Variants in TRPM3 observed in about 807,000 individuals in gnomAD.
The protein encoded by TRPM3 is long transient receptor potential channel 3.
Under a neutral mutation model 181.2 loss-of-function variants are expected in TRPM3, and 77 were observed. The ratio of observed to expected loss-of-function variants is 0.42; its 90% CI spans 0.35 to 0.51. TRPM3 has a LOEUF of 0.51. Among genes scored for constraint, TRPM3 ranks in the 20% least tolerant of loss-of-function variants. The pLI is 0.01. For synonymous variants in TRPM3, 745 were observed against 796.4 expected (o/e 0.94, Z 1.09); for missense variants, 1,759 against 2,196.7 (o/e 0.80, Z 3.98).
intron 6 of TRPM3, among the ~76,000 whole-genome samples, chr9:70,802,464 G>A (rs1271865653): frequency 6.6e-6 from 1 of 152,190 alleles, no homozygotes; most frequent in African/African-American, 2.4e-5. Context: ...ATGATGGCAC[G>A]CTGGATTTGG....
intron 1 of TRPM3, among the ~76,000 whole-genome samples, chr9:71,370,759 C>G (rs2092483150): frequency 6.6e-6 from 1 of 152,134 alleles, no homozygotes; most frequent in African/African-American, 2.4e-5. Context: ...AACATATTCC[C>G]AATGAAGACA....
chr9:70,957,164 A>G (rs917724964), intron 1 of TRPM3, among the ~76,000 whole-genome samples: 2 of 151,874 alleles, frequency 1.3e-5, no homozygotes, highest in Non-Finnish European at 1.5e-5. Context: ...GGGTTTCACC[A>G]TGTTGGTCAG....
Position 70,924,790 on chromosome 9 carries a change from C to A in TRPM3, c.178-60279G>T, listed in dbSNP as rs955175795. Among the ~76,000 whole-genome samples the A allele has an allele frequency of 4.6e-5, 7 of 152,244 alleles. No individual in the cohort carries two copies. In the Middle Eastern group the frequency reaches 0.01, roughly 222 times the overall value. ...AATGTTAAGTACTTTAATAACCATT[C>A]TCTAGCTGACTAATACAAGGTAGAA... On this transcript the variant is annotated intron_variant, in intron 1 of 25. Coordinates refer to ENST00000677713, the MANE Select transcript of TRPM3 (RefSeq NM_001366145.2).
chr9:71,158,687 G>C (rs1037446849), intron 1 of TRPM3, among the ~76,000 whole-genome samples: 2 of 152,102 alleles, frequency 1.3e-5, no homozygotes, highest in South Asian at 2.1e-4. Context: ...GTGTCAACTT[G>C]ACTAAGCCAT....
chr9:70,615,438 A>G (rs2062643092), intron 18 of TRPM3, among the ~76,000 whole-genome samples: 1 of 152,238 alleles, frequency 6.6e-6, no homozygotes, highest in Non-Finnish European at 1.5e-5. Flanking sequence ...AAAGCTTTGC[A>G]TACAAACCTC....
chr9:70,973,406 T>C (rs2097265780), intron 1 of TRPM3, among the ~76,000 whole-genome samples: 1 of 152,216 alleles, frequency 6.6e-6, no homozygotes. Flanking sequence ...TTGGTTTGTA[T>C]ATGAGATTTC....
In TRPM3 at chr9:70,536,173, G is replaced by T. The variant is rs750415724; in HGVS notation, c.4940C>A (p.Ala1647Asp). 6.2e-7 allele frequency: 1 copy of T among 1,614,206 alleles called. No homozygotes were observed. The highest frequency in any genetic ancestry group is 2.2e-5 in the East Asian group (1 of 44,876). ...NNITVPKIER[A>D]NSYSAEEPSA... ...TGGCTCCTCTGCCGAGTAGCTGTTG[G>T]CGCGCTCTATCTTGGGAACAGTGAT... Residue 1647 changes from alanine to aspartate, a missense_variant, in exon 26 of 26, where the codon GCC becomes GAC. Transcript: ENST00000677713.
chr9:70,750,125 G>T (rs1044258174), intron 8 of TRPM3, among the ~76,000 whole-genome samples: 10 of 152,192 alleles, frequency 6.6e-5, no homozygotes, highest in Non-Finnish European at 1.5e-4. Context: ...TGTACTGTAA[G>T]ATTGTACTAT....
intron 7 of TRPM3, among the ~76,000 whole-genome samples, chr9:70,779,588 A>G (rs1023291872): frequency 6.6e-6 from 1 of 152,160 alleles, no homozygotes; most frequent in Non-Finnish European, 1.5e-5. Context: ...TCTGATTTCA[A>G]TGTCAGGAGT....
chr9:70,592,519 T>A (rs2058291856), intron 21 of TRPM3, among the ~76,000 whole-genome samples: 1 of 152,164 alleles, frequency 6.6e-6, no homozygotes, highest in South Asian at 2.1e-4. Context: ...TAAGGCCAGT[T>A]TCATTATGCC....
intron 1 of TRPM3, among the ~76,000 whole-genome samples, chr9:71,214,801 T>A (rs904874764): frequency 2.0e-5 from 3 of 152,044 alleles, no homozygotes; most frequent in Non-Finnish European, 2.9e-5. Context: ...TCTACTTCTG[T>A]CAATTTCTCT....
intron 1 of TRPM3, among the ~76,000 whole-genome samples, chr9:70,890,629 T>A (rs1204321571): frequency 6.6e-6 from 1 of 152,084 alleles, no homozygotes; most frequent in Non-Finnish European, 1.5e-5. Flanking sequence ...AAATCTAGAA[T>A]GCAATGGGGA....
intron 17 of TRPM3, among the ~76,000 whole-genome samples, chr9:70,616,637 T>C (rs2062826179): frequency 6.7e-6 from 1 of 150,280 alleles, no homozygotes. Flanking sequence ...AAGCATTTAA[T>C]TCATTTTAGG....
intron 1 of TRPM3, among the ~76,000 whole-genome samples, chr9:71,076,908 C>A (rs1355379111): frequency 6.6e-6 from 1 of 152,158 alleles, no homozygotes; most frequent in African/African-American, 2.4e-5. Context: ...GTTTACCATC[C>A]TTTCTCTAAT....
At chr9:71,421,254 G>T (rs965366455) in intron 1 of TRPM3, among the ~76,000 whole-genome samples, 3 of 151,602 alleles carry the variant, frequency 2.0e-5, no homozygotes, top group Non-Finnish European at 4.4e-5. Flanking sequence ...AAAACTATGG[G>T]TGCTATGCTT....
chr9:70,915,292 C>T (rs1412909701), intron 1 of TRPM3, among the ~76,000 whole-genome samples: 1 of 151,816 alleles, frequency 6.6e-6, no homozygotes, highest in South Asian at 2.1e-4. Flanking sequence ...AAAAATGCAT[C>T]AGAGTCTTTT....
At chr9:71,144,919 G>T (rs1362397979) in intron 1 of TRPM3, among the ~76,000 whole-genome samples, 1 of 151,996 alleles carries the variant, frequency 6.6e-6, no homozygotes, top group East Asian at 1.9e-4. Flanking sequence ...GATAAAATAA[G>T]CCTTGGCATG....
chr9:70,553,036 A>C lies in TRPM3; in HGVS notation c.3382T>G (p.Phe1128Val). The C allele has an allele frequency of 1.2e-6, 2 of 1,614,190 alleles. No homozygotes were observed. The highest frequency in any genetic ancestry group is 1.7e-6 in the Non-Finnish European group (2 of 1,180,026). The change falls in exon 24 of 26, where the codon TTT becomes GTT. Residue 1128 changes from phenylalanine (F) to valine (V), a missense_variant. Transcript: ENST00000677713. ...TTGGATATCGATTTTACTTCAAAAA[A>C]TGTATTGCTAAAATAGAGACCAAAG... ...NLLIAVFNNT[F>V]FEVKSISNQV... is the part of the protein sequence containing the mutation.
At chr9:71,215,047 CAA>C (rs72383590) in intron 1 of TRPM3, among the ~76,000 whole-genome samples, 108 of 112,600 alleles carry the variant, frequency 9.6e-4, no homozygotes, top group Middle Eastern at 5.7e-3. Context: ...AAAAAAAAAA[CAA>C]AAAAAAAAAA....
Sources: allele counts gnomAD v4.1 joint callset (sites outside exome capture counted in the v4.1 genomes callset), GRCh38; gene constraint gnomAD v4.1.1; transcripts MANE v1.5; gene names NCBI Gene and HGNC (gene_info 2026-07-23, HGNC 2026-07-21).